The following ARMC8 variants were observed in gnomAD, a reference collection of about 807,000 sequenced individuals.
The protein encoded by ARMC8 is armadillo repeat-containing protein 8.
Under a neutral mutation model 99.3 loss-of-function variants are expected in ARMC8, and 20 were observed. That is an observed-to-expected ratio of 0.20 (90% CI 0.14 to 0.29). ARMC8 has a LOEUF of 0.29. ARMC8 is among the 10% of genes least tolerant of loss of function. The pLI, the probability that ARMC8 is intolerant of heterozygous loss-of-function variation, is 1.00. For synonymous variants in ARMC8, 263 were observed against 278.3 expected (o/e 0.95, Z 0.55); for missense variants, 569 against 809.5 (o/e 0.70, Z 3.60).
chr3:138,286,152 AG>A (rs1480532006), intron 19 of ARMC8, among the ~76,000 whole-genome samples: 1 of 152,184 alleles, frequency 6.6e-6, no homozygotes, highest in African/African-American at 2.4e-5. Context: ...CATGTTGGCC[AG>A]GCTGGTCTCA....
At chr3:138,275,058 C>T (rs547399060) in intron 18 of ARMC8, among the ~76,000 whole-genome samples, 3 of 152,062 alleles carry the variant, frequency 2.0e-5, no homozygotes, top group East Asian at 1.9e-4. Context: ...TATTAAAGTA[C>T]GAAGCTGTGC....
chr3:138,257,123 G>C (rs543719635), intron 12 of ARMC8, among the ~76,000 whole-genome samples: 220 of 152,340 alleles, frequency 1.4e-3, no homozygotes, highest in Non-Finnish European at 2.2e-3. Flanking sequence ...AGTTCTGTCA[G>C]ATAGTTAAGT....
At chr3:138,188,581 A>G (rs370676531) in intron 1 of ARMC8, 32 of 1,611,042 alleles carry the variant, frequency 2.0e-5, no homozygotes, top group Non-Finnish European at 2.7e-5. Context: ...GCAGGCAAAT[A>G]CTGATTGACC....
At position 138,226,470 on chromosome 3, in the gene ARMC8, G is replaced by A. The variant is rs185215464; in HGVS notation, c.436-2448G>A. Among the ~76,000 whole-genome samples the A allele has an allele frequency of 2.0e-3, 312 of 152,318 alleles. 1 individual carries two copies. The highest frequency in any genetic ancestry group is 3.4e-3 in the Non-Finnish European group (229 of 68,024). On this transcript the variant is annotated intron_variant, in intron 5 of 21. Transcript: ENST00000469044. ...CCACCTCCAGTTTATGATCCAGTGAGTCTTGGGTTTTGCATTTCTAACAAA... is the reference window on the plus strand; with the variant it reads ...CCACCTCCAGTTTATGATCCAGTGAATCTTGGGTTTTGCATTTCTAACAAA...
At position 138,275,982 on chromosome 3, in the gene ARMC8, T is replaced by C. The variant is rs536977263; in HGVS notation, c.1725+1438T>C. Among the ~76,000 whole-genome samples, 5 of 152,222 alleles carry C rather than the reference T, an allele frequency of 3.3e-5. No homozygotes were observed. The East Asian group carries it at 7.7e-4, about 24-fold the overall frequency. On this transcript the variant is annotated intron_variant, in intron 18 of 21. Coordinates refer to ENST00000469044, the MANE Select transcript of ARMC8 (RefSeq NM_001363941.2). ...AAAGTACATTGTTCAAAATAAACCA[T>C]TGTACTTTGAGAGGATAGGAATGAA...
At chr3:138,215,741 G>A (rs1186341619) in intron 2 of ARMC8, among the ~76,000 whole-genome samples, 5 of 151,750 alleles carry the variant, frequency 3.3e-5, no homozygotes, top group Admixed American at 2.0e-4. Context: ...TCCTAATTTC[G>A]GAGCCAGTAT....
intron 1 of ARMC8, among the ~76,000 whole-genome samples, chr3:138,194,335 G>T (rs557133233): frequency 2.9e-5 from 4 of 140,254 alleles, no homozygotes; most frequent in Non-Finnish European, 6.1e-5. Flanking sequence ...AAGCCACTGC[G>T]CCCAGCTTTT....
chr3:138,223,832 A>G lies in ARMC8; in HGVS notation c.435+99A>G, dbSNP rs2045535798. The G allele has an allele frequency of 1.1e-5, 11 of 1,047,268 alleles. No individual in the cohort carries two copies. The East Asian group carries it at 2.7e-4, about 26-fold the overall frequency. The allele number at this position is 1,047,268 out of a possible 1,614,324, so 64.9% of individuals were successfully genotyped here. On this transcript the variant is annotated intron_variant, in intron 5 of 21. Coordinates refer to ENST00000469044, the MANE Select transcript of ARMC8 (RefSeq NM_001363941.2). ...AGACTCATCATAACTGTGTTATGTA[A>G]AAAAGTCTCAGTTGGTCATGGTGGC...
chr3:138,231,780 TG>T (rs377727887), intron 6 of ARMC8, among the ~76,000 whole-genome samples: 200 of 147,218 alleles, frequency 1.4e-3, no homozygotes, highest in African/African-American at 4.8e-3. Flanking sequence ...CCCCCATCTC[TG>T]GGGGGGGAAA....
rs1022262804 is a variant in ARMC8 at position 138,297,782 on chromosome 3, G to A, written c.*1890G>A. The A allele has an allele frequency of 4.6e-5, 7 of 152,148 alleles. No homozygotes were observed. The highest frequency in any genetic ancestry group is 1.7e-4 in the African/African-American group (7 of 41,432). The allele number at this position is 152,148 out of a possible 1,614,324, so 9.4% of individuals were successfully genotyped here. A position where few individuals can be genotyped will look rare whatever the true frequency, so the allele number is the denominator to read the frequency against. The stretch of plus-strand genomic sequence containing the variant: ...TAGTTTATTGGGAAGAAAGCCTCAG[G>A]CCCACTCGTTTCTAGAACTGTGAAA... On this transcript the variant is annotated 3_prime_UTR_variant, in exon 22 of 22. Coordinates refer to ENST00000469044, the MANE Select transcript of ARMC8 (RefSeq NM_001363941.2).
chr3:138,201,436 CTTTTTTTTTTTTTTTTTTTTTTT>C (rs58707271), intron 1 of ARMC8, among the ~76,000 whole-genome samples: 74 of 64,994 alleles, frequency 1.1e-3, no homozygotes, highest in East Asian at 1.9e-3. Context: ...CTTCCCCTCC[CTTTTTTTTTTTTTTTTTTTTTTT>C]TTTTTTTTTT....
At chr3:138,280,533 G>C (rs571302917) in intron 18 of ARMC8, among the ~76,000 whole-genome samples, 2 of 147,888 alleles carry the variant, frequency 1.4e-5, no homozygotes, top group East Asian at 4.0e-4. Flanking sequence ...TCGCTCTGTC[G>C]CCCAGGCTGG....
intron 2 of ARMC8, among the ~76,000 whole-genome samples, chr3:138,219,523 C>T (rs1419195479): frequency 6.6e-6 from 1 of 152,170 alleles, no homozygotes; most frequent in African/African-American, 2.4e-5. Flanking sequence ...AGAATAACTA[C>T]ACTCTGGGAA....
At chr3:138,211,703 G>T (rs904921757) in intron 2 of ARMC8, among the ~76,000 whole-genome samples, 1 of 152,172 alleles carries the variant, frequency 6.6e-6, no homozygotes. Flanking sequence ...GACATTTTCT[G>T]TTATGGTCCC....
intron 18 of ARMC8, among the ~76,000 whole-genome samples, chr3:138,282,797 CTAAT>C (rs2050064445): frequency 6.6e-6 from 1 of 152,166 alleles, no homozygotes; most frequent in African/African-American, 2.4e-5. Flanking sequence ...CTTCCCCAAA[CTAAT>C]TACTCCTGTT....
chr3:138,247,331 G>A (rs2046928996), intron 12 of ARMC8, among the ~76,000 whole-genome samples: 1 of 151,948 alleles, frequency 6.6e-6, no homozygotes, highest in Admixed American at 6.6e-5. Context: ...GTTTATGCTT[G>A]CCAAGATGGA....
intron 12 of ARMC8, among the ~76,000 whole-genome samples, chr3:138,248,976 G>A (rs1364287249): frequency 6.6e-6 from 1 of 152,190 alleles, no homozygotes; most frequent in Non-Finnish European, 1.5e-5. Context: ...ATTTTAGCTG[G>A]AGATTTCTTT....
At chr3:138,241,728 T>G (rs1367785074) in intron 10 of ARMC8, 55 bp from the exon 11 acceptor site, 4 of 1,476,552 alleles carry the variant, frequency 2.7e-6, no homozygotes, top group Non-Finnish European at 3.8e-6. Flanking sequence ...AGTCACTATA[T>G]GCTTAAGCTT....
chr3:138,229,040 T>C, intron 6 of ARMC8, 30 bp downstream of exon 6: 1 of 1,524,048 alleles, frequency 6.6e-7, no homozygotes, highest in South Asian at 1.1e-5. Context: ...TTATCTATAA[T>C]GTAAAATCTT....
Sources: gnomAD v4.1 joint callset for allele counts (sites outside exome capture counted in the v4.1 genomes callset) on GRCh38, gnomAD v4.1.1 for gene constraint, MANE v1.5 for transcripts, NCBI Gene and HGNC (gene_info 2026-07-23, HGNC 2026-07-21) for gene names.